The following CHP2 variants were observed in gnomAD, a reference collection of about 807,000 sequenced individuals.
CHP2 encodes calcineurin like EF-hand protein 2.
A neutral mutation model predicts 24.7 loss-of-function variants in CHP2; 31 were observed. That is an observed-to-expected ratio of 1.26 (90% CI 0.94 to 1.69). The LOEUF (loss-of-function observed/expected upper bound fraction) is 1.69. Among genes scored for constraint, CHP2 ranks in the 40% most tolerant of loss-of-function variants. CHP2 has a pLI of 0.00. For missense variants in CHP2, 319 were observed against 261.5 expected, an observed-to-expected ratio of 1.22 and a Z score of -1.52; for synonymous variants, 97 against 99.1, an observed-to-expected ratio of 0.98 and a Z score of 0.13.
intron 1 of CHP2, 21 bp from the exon 2 acceptor site, chr16:23,755,640 A>G: frequency 6.2e-7 from 1 of 1,610,190 alleles, no homozygotes; most frequent in Non-Finnish European, 8.5e-7. Context: ...ACACACCCCC[A>G]CCCCACTCTC....
intron 5 of CHP2, 108 bp downstream of exon 5, chr16:23,756,557 T>C: frequency 1.0e-6 from 1 of 952,678 alleles, no homozygotes; most frequent in Non-Finnish European, 1.7e-6. Flanking sequence ...GCGCAGATAA[T>C]TGGGGTATTG....
In CHP2 at chr16:23,756,050, C is replaced by A; in HGVS notation, c.222-13C>A. The A allele has an allele frequency of 6.2e-7, 1 of 1,613,908 alleles. No homozygotes were observed. The highest frequency in any genetic ancestry group is 8.5e-7 in the Non-Finnish European group (1 of 1,179,928). ...TGACCACCACCTCTTTCCATTCTGT[C>A]CCGTCTCCCCAGGAGCCAGCGAGTG... On this transcript the variant is annotated splice_polypyrimidine_tract_variant and intron_variant, in intron 3 of 6. Coordinates refer to ENST00000300113, the MANE Select transcript of CHP2 (RefSeq NM_022097.4).
chr16:23,757,724 G>A lies in CHP2; in HGVS notation c.*141G>A, dbSNP rs1961247249. 1 of 802,178 alleles carries A rather than the reference G, an allele frequency of 1.2e-6. No individual in the cohort carries two copies. Among genetic ancestry groups the A allele is most frequent in the African/African-American group, 1.7e-5 (1 of 59,190 alleles). 49.7% of individuals were successfully genotyped at this position (802,178 alleles called of 1,614,324 possible). A position where few individuals can be genotyped will look rare whatever the true frequency, so the allele number is the denominator to read the frequency against. On this transcript the variant is annotated 3_prime_UTR_variant, in exon 7 of 7. Coordinates refer to ENST00000300113, the MANE Select transcript of CHP2 (RefSeq NM_022097.4). ...TATTTAGGGCCAAGAGAAGAAAGCTGGAAGGATGTGTACTAAAGTCTAGCT... is the reference window on the plus strand; with the variant it reads ...TATTTAGGGCCAAGAGAAGAAAGCTAGAAGGATGTGTACTAAAGTCTAGCT...
chr16:23,757,149 G>T (rs2141044495), intron 5 of CHP2, 52 bp from the exon 6 acceptor site: 1 of 1,610,968 alleles, frequency 6.2e-7, no homozygotes, highest in South Asian at 1.1e-5. Flanking sequence ...GAGATGGGGA[G>T]TTGCAGCCTT....
Position 23,757,688 on chromosome 16 carries a change from G to A in CHP2, c.*105G>A, listed in dbSNP as rs566201714. 2.4e-4 allele frequency: 251 copies of A among 1,025,158 alleles called. 1 individual carries two copies. The highest frequency in any genetic ancestry group is 2.1e-4 in the Middle Eastern group (1 of 4,686). 63.5% of individuals were successfully genotyped at this position (1,025,158 alleles called of 1,614,324 possible). On this transcript the variant is annotated 3_prime_UTR_variant, in exon 7 of 7. Coordinates refer to ENST00000300113, the MANE Select transcript of CHP2 (RefSeq NM_022097.4). ...CAGGGCGACAATAAACTGTATTTTC[G>A]TTTCTAACTCTATTTAGGGCCAAGA... is the stretch of plus-strand genomic sequence containing the variant.
chr16:23,756,589 C>T, intron 5 of CHP2, 140 bp downstream of exon 5: 2 of 734,456 alleles, frequency 2.7e-6, no homozygotes, highest in East Asian at 2.7e-5. Context: ...GGAATGGGTG[C>T]AGTTAGAGTG....
chr16:23,755,731 G>A lies in CHP2; in HGVS notation c.138G>A (p.Leu46=). 1.2e-6 allele frequency: 2 copies of A among 1,614,196 alleles called. No individual in the cohort carries two copies. The highest frequency in any genetic ancestry group is 1.7e-6 in the Non-Finnish European group (2 of 1,180,016). ...TGGACAGGAATAAGAAGGGCTACCT[G>A]AGGTGAGGGGGAGCCGGCCTCATAA... ...RALDRNKKGY[L]SRMDLQQIGA... Residue 46 remains leucine (L), a splice_region_variant and synonymous_variant, in exon 2 of 7, where the codon CTG becomes CTA. Coordinates refer to ENST00000300113, the MANE Select transcript of CHP2 (RefSeq NM_022097.4).
chr16:23,755,248 C>A, intron 1 of CHP2, 132 bp downstream of exon 1: 2 of 660,282 alleles, frequency 3.0e-6, no homozygotes, highest in South Asian at 3.9e-5. Flanking sequence ...AGCTGGAAGA[C>A]CAAGGCCCCT....
In CHP2 at chr16:23,757,564, G is replaced by A; in HGVS notation, c.572G>A (p.Ser191Asn). The A allele has an allele frequency of 6.2e-7, 1 of 1,614,070 alleles. No individual in the cohort carries two copies. The highest frequency in any genetic ancestry group is 8.5e-7 in the Non-Finnish European group (1 of 1,179,968). Residue 191 changes from serine (S) to asparagine (N), a missense_variant, in exon 7 of 7, where the codon AGC becomes AAC. Transcript: ENST00000300113. The stretch of plus-strand genomic sequence containing the variant: ...AAGATGGACGTTGAGCAAAAAATGA[G>A]CATCCGGATCCTGAAGTGACTCCGT... ...LEKMDVEQKM[S>N]IRILK
chr16:23,755,798 C>T lies in CHP2; in HGVS notation c.141-49C>T, dbSNP rs777573495. On this transcript the variant is annotated intron_variant, in intron 2 of 6. Transcript: ENST00000300113. Reference sequence around the variant, plus strand: ...CTCTGACTCCATGTCCCTCTTTGACCCTCCGTCTGGCATCTCTGCCTTACC... The same window carrying T: ...CTCTGACTCCATGTCCCTCTTTGACTCTCCGTCTGGCATCTCTGCCTTACC... The T allele has an allele frequency of 2.5e-6, 4 of 1,613,344 alleles. No individual in the cohort carries two copies. The Admixed American group carries it at 5.0e-5, about 20-fold the overall frequency.
In CHP2 at chr16:23,756,312, G is replaced by A. The variant is rs77005706; in HGVS notation, c.353-76G>A. ...GACAACCTCCCCCCTCCTCCAAGGT[G>A]GGGGGAAGGAAGGTGGCTGCTGGAA... On this transcript the variant is annotated intron_variant, in intron 4 of 6. Coordinates refer to ENST00000300113, the MANE Select transcript of CHP2 (RefSeq NM_022097.4). 10,761 of 1,582,790 alleles carry A rather than the reference G, an allele frequency of 6.8e-3. 581 individuals carry two copies. The African/African-American group carries it at 0.12, about 17-fold the overall frequency.
Position 23,757,787 on chromosome 16 carries a change from T to C in CHP2, c.*204T>C. On this transcript the variant is annotated 3_prime_UTR_variant, in exon 7 of 7. Coordinates refer to ENST00000300113, the MANE Select transcript of CHP2 (RefSeq NM_022097.4). ...ACCTTTTTGGCATCAGGGACAGTTT[T>C]TCCACGGATGGGTGACAGGGGATGG... The C allele has an allele frequency of 1.6e-6, 1 of 612,738 alleles. No homozygotes were observed. Among genetic ancestry groups the C allele is most frequent in the South Asian group, 1.9e-5 (1 of 52,408 alleles). The allele number at this position is 612,738 out of a possible 1,614,324, so 38.0% of individuals were successfully genotyped here. A position where few individuals can be genotyped will look rare whatever the true frequency, so the allele number is the denominator to read the frequency against.
rs1034136369 is a variant in CHP2, at chr16:23,755,054, G to C, written c.5G>C (p.Gly2Ala). 3.3e-5 allele frequency: 53 copies of C among 1,594,730 alleles called. No homozygotes were observed. The highest frequency in any genetic ancestry group is 4.3e-5 in the Non-Finnish European group (51 of 1,174,310). Reference protein sequence around the residue: MGSRSSHAAVIP... With the variant: MASRSSHAAVIP... ...CCTTCCGCCTCCAGCTCGGCCATGGGGTCGCGCAGCTCCCACGCCGCGGTC... is the reference window on the plus strand; with the variant it reads ...CCTTCCGCCTCCAGCTCGGCCATGGCGTCGCGCAGCTCCCACGCCGCGGTC... The change falls in exon 1 of 7, where the codon GGG becomes GCG. Residue 2 changes from glycine to alanine, a missense_variant. Physicochemically the swap from Gly to Ala is moderately conservative, Grantham distance 60. Transcript: ENST00000300113.
Position 23,756,191 on chromosome 16 carries a change from A to G in CHP2, c.350A>G (p.His117Arg). ...EPLNSRRNKLHYAFQLYDLDR... is the reference protein window; with the variant it reads ...EPLNSRRNKLRYAFQLYDLDR... ...CTCAACAGCAGAAGGAACAAACTTC[A>G]CTGTGAGTTTGTGAGGACCTGCACA... The change falls in exon 4 of 7, where the codon CAC becomes CGC. Residue 117 changes from histidine to arginine, a missense_variant and splice_region_variant. By Grantham distance (29) the His-to-Arg change is conservative. Coordinates refer to ENST00000300113, the MANE Select transcript of CHP2 (RefSeq NM_022097.4). The G allele has an allele frequency of 6.2e-7, 1 of 1,613,900 alleles. No individual in the cohort carries two copies. Among genetic ancestry groups the G allele is most frequent in the South Asian group, 1.1e-5 (1 of 91,078 alleles).
chr16:23,755,547 C>A (rs961571218), intron 1 of CHP2, 114 bp from the exon 2 acceptor site: 2 of 878,386 alleles, frequency 2.3e-6, no homozygotes, highest in African/African-American at 1.6e-5. Flanking sequence ...CCGGGATGAT[C>A]GCCCCTTCCA....
rs150633217 is a variant in CHP2 at position 23,757,290 on chromosome 16, G to C, written c.504G>C (p.Gly168=). The C allele has an allele frequency of 4.7e-4, 763 of 1,613,796 alleles. 1 individual carries two copies. The highest frequency in any genetic ancestry group is 9.9e-4 in the Middle Eastern group (6 of 6,060). The change falls in exon 6 of 7, where the codon GGG becomes GGC. Residue 168 remains glycine (G), a synonymous_variant. Coordinates refer to ENST00000300113, the MANE Select transcript of CHP2 (RefSeq NM_022097.4). ...DRTVQEADED[G]DGAVSFVEFT... Reference sequence around the variant, plus strand: ...CGGTGCAGGAGGCTGATGAAGATGGGGATGGGGCTGTGTCCTTCGTGGAGT... The same window carrying C: ...CGGTGCAGGAGGCTGATGAAGATGGCGATGGGGCTGTGTCCTTCGTGGAGT...
chr16:23,756,369 C>T lies in CHP2; in HGVS notation c.353-19C>T, dbSNP rs1242206541. 5 of 1,608,770 alleles carry T rather than the reference C, an allele frequency of 3.1e-6. No homozygotes were observed. The South Asian group carries it at 5.5e-5, about 18-fold the overall frequency. On this transcript the variant is annotated intron_variant, in intron 4 of 6. Coordinates refer to ENST00000300113, the MANE Select transcript of CHP2 (RefSeq NM_022097.4). ...CAGGGAAGACCTACCTTCCTTTCCCCCTCCCACCCTCTCCCCAGATGCATT... is the reference window on the plus strand; with the variant it reads ...CAGGGAAGACCTACCTTCCTTTCCCTCTCCCACCCTCTCCCCAGATGCATT...
rs1961222796 is a variant in CHP2, at chr16:23,756,162, A to G, written c.321A>G (p.Glu107=). 1 of 1,613,928 alleles carries G rather than the reference A, an allele frequency of 6.2e-7. No homozygotes were observed. Among genetic ancestry groups the G allele is most frequent in the African/African-American group, 1.3e-5 (1 of 74,882 alleles). ...AAACCCAAGACCCCAAGAAACCTGA[A>G]CCTCTCAACAGCAGAAGGAACAAAC... is the stretch of plus-strand genomic sequence containing the variant. ...DTETQDPKKP[E]PLNSRRNKLH... Residue 107 remains glutamate (E), a synonymous_variant, in exon 4 of 7, where the codon GAA becomes GAG. Coordinates refer to ENST00000300113, the MANE Select transcript of CHP2 (RefSeq NM_022097.4).
intron 4 of CHP2, 70 bp downstream of exon 4, chr16:23,756,263 T>A: frequency 6.3e-7 from 1 of 1,597,762 alleles, no homozygotes; most frequent in Middle Eastern, 1.7e-4. Context: ...TCCAGGGATC[T>A]CCCACTCCCT....
Sources: allele counts gnomAD v4.1 joint callset, GRCh38; gene constraint gnomAD v4.1.1; transcripts MANE v1.5; gene names NCBI Gene and HGNC (gene_info 2026-07-23, HGNC 2026-07-21).